Variants in TRIM66 observed in about 807,000 individuals in gnomAD.
TRIM66 encodes the protein tripartite motif containing 66.
Under a neutral mutation model 148.2 loss-of-function variants are expected in TRIM66, and 99 were observed. The observed-to-expected ratio is 0.67, with a 90% CI of 0.57 to 0.79. The LOEUF is 0.79. TRIM66 is among the 30% of genes least tolerant of loss of function. The pLI is 0.00. For synonymous variants in TRIM66, 616 were observed against 635.9 expected (o/e 0.97, Z 0.47); for missense variants, 1,666 against 1,697.9 (o/e 0.98, Z 0.33).
intron 15 of TRIM66, among the ~76,000 whole-genome samples, chr11:8,634,552 C>T (rs1047309627): frequency 2.0e-5 from 3 of 152,210 alleles, no homozygotes; most frequent in Admixed American, 1.3e-4. Flanking sequence ...AAATGTCTCC[C>T]AGTTTCACTT....
chr11:8,631,430 A>G (rs1329100773), intron 15 of TRIM66, among the ~76,000 whole-genome samples: 1 of 152,236 alleles, frequency 6.6e-6, no homozygotes, highest in African/African-American at 2.4e-5. Flanking sequence ...TAAAAACATT[A>G]TTTCAAATGG....
In TRIM66 at chr11:8,647,959, G is replaced by A; in HGVS notation, c.842+11C>T. The A allele has an allele frequency of 6.5e-7, 1 of 1,546,620 alleles. No individual in the cohort carries two copies. ...CATTTCCAGCACTGGCAAGGCACTAGCCTGTGCTACCTGTCCTCAATTTGC... is the reference window on the plus strand; with the variant it reads ...CATTTCCAGCACTGGCAAGGCACTAACCTGTGCTACCTGTCCTCAATTTGC... On this transcript the variant is annotated intron_variant, in intron 10 of 24. Coordinates refer to ENST00000646038, the MANE Select transcript of TRIM66 (RefSeq NM_001388022.1).
chr11:8,666,369 A>G (rs989806516), intron 6 of TRIM66, among the ~76,000 whole-genome samples: 14 of 148,354 alleles, frequency 9.4e-5, no homozygotes, highest in African/African-American at 2.8e-4. Flanking sequence ...AAAAAAAAAA[A>G]GAATATAAGA....
chr11:8,619,486 A>G lies in TRIM66; in HGVS notation c.3797T>C (p.Ile1266Thr). 6.4e-7 allele frequency: 1 copy of G among 1,551,384 alleles called. No individual in the cohort carries two copies. The highest frequency in any genetic ancestry group is 1.2e-5 in the South Asian group (1 of 84,022). The part of the protein sequence containing the change: ...IIKRPMDLSI[I>T]RRKLQKKDPA... ...GTCCTTCTTTTGCAGCTTCCTCCGG[A>G]TGATTGACAGGTCCATGGGCCTCTT... The change falls in exon 23 of 25, where the codon ATC becomes ACC. Residue 1266 changes from isoleucine to threonine, a missense_variant. This residue lies in a region of TRIM66 where 204 missense variants were observed against 231.0 expected (regional missense o/e 0.88). Transcript: ENST00000646038.
chr11:8,649,980 G>T (rs2037215950), intron 7 of TRIM66, 93 bp from the exon 8 acceptor site: 3 of 1,410,766 alleles, frequency 2.1e-6, no homozygotes, highest in African/African-American at 2.8e-5. Context: ...GGTCCTGCAG[G>T]CCTATTCCTC....
intron 15 of TRIM66, among the ~76,000 whole-genome samples, chr11:8,633,117 A>G (rs766444708): frequency 2.0e-5 from 3 of 152,176 alleles, no homozygotes; most frequent in Non-Finnish European, 4.4e-5. Context: ...GGTCAAAGGT[A>G]TTTTGCCCAG....
chr11:8,634,973 C>CA (rs2035751784), intron 15 of TRIM66, among the ~76,000 whole-genome samples: 1 of 152,204 alleles, frequency 6.6e-6, no homozygotes, highest in Non-Finnish European at 1.5e-5. Flanking sequence ...GAGGACAAAA[C>CA]ACCTTTACCA....
At chr11:8,668,594 T>G (rs79953701) in intron 6 of TRIM66, among the ~76,000 whole-genome samples, 1 of 144,596 alleles carries the variant, frequency 6.9e-6, no homozygotes. Flanking sequence ...TTATTTATTT[T>G]TTTTTTTTTG....
rs180686073 is a variant in TRIM66, at chr11:8,623,770, G to A, written c.3019+589C>T. ...AAGCGAATCAGAACCAATCTCCAAT[G>A]GTCCAAATTGCCTTCACTATGAGGC... On this transcript the variant is annotated intron_variant, in intron 17 of 24. Transcript: ENST00000646038. Among the ~76,000 whole-genome samples, 8 of 152,282 alleles carry A rather than the reference G, an allele frequency of 5.3e-5. No homozygotes were observed. In the East Asian group the frequency reaches 7.7e-4, roughly 15 times the overall value.
chr11:8,659,937 G>C (rs2038133549), intron 6 of TRIM66, among the ~76,000 whole-genome samples: 1 of 152,104 alleles, frequency 6.6e-6, no homozygotes, highest in Admixed American at 6.6e-5. Flanking sequence ...GAGTGTGGTG[G>C]CATGATCATG....
chr11:8,682,469 T>G, intron 1 of TRIM66, 132 bp downstream of exon 1: 1 of 409,364 alleles, frequency 2.4e-6, no homozygotes, highest in Non-Finnish European at 4.4e-6. Context: ...TAGGGTCGGC[T>G]TAGGCGGTTC....
chr11:8,615,857 G>A lies in TRIM66; in HGVS notation c.*2087C>T, dbSNP rs573540629. On this transcript the variant is annotated 3_prime_UTR_variant, in exon 25 of 25. Coordinates refer to ENST00000646038, the MANE Select transcript of TRIM66 (RefSeq NM_001388022.1). ...TGGTCTCCAATTGCTCCTGAGGAAG[G>A]ATCAGGTCTGAGCCTGTCACAACAC... is the stretch of plus-strand genomic sequence containing the variant. 1 of 152,330 alleles carries A rather than the reference G, an allele frequency of 6.6e-6. No homozygotes were observed. The highest frequency in any genetic ancestry group is 2.4e-5 in the African/African-American group (1 of 41,564). The allele number at this position is 152,330 out of a possible 1,614,324, so 9.4% of individuals were successfully genotyped here. A position where few individuals can be genotyped will look rare whatever the true frequency, so the allele number is the denominator to read the frequency against.
Position 8,649,853 on chromosome 11 carries a change from T to C in TRIM66, c.479A>G (p.His160Arg), listed in dbSNP as rs1393124949. ...CSECKEKRAAHILCTYCNRWL... is the reference protein window; with the variant it reads ...CSECKEKRAARILCTYCNRWL... ...GCGATTGCAGTAGGTGCAGAGGATA[T>C]GTGCTGCCCTCTTCTCCTTGCACTC... The change falls in exon 8 of 25, where the codon CAT becomes CGT. Residue 160 changes from histidine to arginine, a missense_variant. Coordinates refer to ENST00000646038, the MANE Select transcript of TRIM66 (RefSeq NM_001388022.1). 2 of 1,551,672 alleles carry C rather than the reference T, an allele frequency of 1.3e-6. No individual in the cohort carries two copies. Among genetic ancestry groups the C allele is most frequent in the Non-Finnish European group, 1.7e-6 (2 of 1,146,970 alleles).
chr11:8,632,702 C>A (rs1326727947), intron 15 of TRIM66, among the ~76,000 whole-genome samples: 1 of 152,060 alleles, frequency 6.6e-6, no homozygotes, highest in Admixed American at 6.6e-5. Context: ...CTCCAGTGAC[C>A]CACTTGCCTC....
At chr11:8,650,287 C>G (rs967626441) in intron 7 of TRIM66, among the ~76,000 whole-genome samples, 1 of 152,036 alleles carries the variant, frequency 6.6e-6, no homozygotes, top group Non-Finnish European at 1.5e-5. Flanking sequence ...GTGGGAAGAT[C>G]GCTTGAGCTC....
At chr11:8,661,181 T>C (rs2038228761) in intron 6 of TRIM66, among the ~76,000 whole-genome samples, 1 of 152,210 alleles carries the variant, frequency 6.6e-6, no homozygotes, top group African/African-American at 2.4e-5. Flanking sequence ...GTCAGGCAGA[T>C]ATCCAGGGCC....
intron 6 of TRIM66, among the ~76,000 whole-genome samples, 193 bp downstream of exon 6, chr11:8,671,593 T>A (rs957240863): frequency 3.3e-5 from 5 of 152,212 alleles, no homozygotes; most frequent in Non-Finnish European, 4.4e-5. Flanking sequence ...AAGTTCCAGC[T>A]TACAAAACAG....
intron 3 of TRIM66, among the ~76,000 whole-genome samples, chr11:8,677,067 C>T (rs990180840): frequency 1.3e-5 from 2 of 152,162 alleles, no homozygotes; most frequent in African/African-American, 4.8e-5. Flanking sequence ...GTACCTTAAC[C>T]TTGCTAAGGA....
intron 3 of TRIM66, chr11:8,678,189 G>A (rs2039266782): frequency 6.6e-6 from 1 of 152,138 alleles, no homozygotes; most frequent in Middle Eastern, 3.2e-3. Context: ...TTATTCAACA[G>A]GAGAAGAAAA....
Sources: gnomAD v4.1 joint callset for allele counts (sites outside exome capture counted in the v4.1 genomes callset) on GRCh38, gnomAD v4.1.1 for gene constraint, gnomAD v4.1.1 regional missense constraint, MANE v1.5 for transcripts, NCBI Gene and HGNC (gene_info 2026-07-23, HGNC 2026-07-21) for gene names.